Variants in KIF5C observed in about 807,000 individuals in gnomAD.
KIF5C encodes the protein kinesin family member 5C, also known as kinesin heavy chain isoform 5C.
A neutral mutation model predicts 125.2 loss-of-function variants in KIF5C; 18 were observed. The observed-to-expected ratio is 0.14, with a 90% CI of 0.10 to 0.21. The LOEUF (loss-of-function observed/expected upper bound fraction) is 0.21. Ranked by LOEUF, KIF5C falls within the 10% of genes least tolerant of loss-of-function variation. The pLI, the probability that KIF5C is intolerant of heterozygous loss-of-function variation, is 1.00. For synonymous variants in KIF5C, 405 were observed against 434.0 expected (o/e 0.93, Z 0.83); for missense variants, 780 against 1,183.8 (o/e 0.66, Z 5.01).
At chr2:148,889,757 T>C (rs1356960296) in intron 1 of KIF5C, among the ~76,000 whole-genome samples, 4 of 152,222 alleles carry the variant, frequency 2.6e-5, no homozygotes, top group Non-Finnish European at 5.9e-5. Context: ...TTATGGATAC[T>C]CAGGGATCCG....
chr2:148,997,757 TG>T (rs1354140860), intron 18 of KIF5C: 3 of 177,010 alleles, frequency 1.7e-5, no homozygotes, highest in Admixed American at 1.2e-4. Flanking sequence ...AAAGGAAAAT[TG>T]ATTGTGGAGT....
At chr2:148,893,537 G>A (rs1015541039) in intron 1 of KIF5C, among the ~76,000 whole-genome samples, 1 of 152,032 alleles carries the variant, frequency 6.6e-6, no homozygotes, top group Non-Finnish European at 1.5e-5. Context: ...CCTCTTCTTC[G>A]AGTGCCATTC....
At chr2:148,957,735 T>C (rs1682831483) in intron 10 of KIF5C, among the ~76,000 whole-genome samples, 1 of 152,090 alleles carries the variant, frequency 6.6e-6, no homozygotes. Flanking sequence ...TTTTCTTAAC[T>C]CAATTTTTAT....
chr2:148,969,800 AC>A (rs1180359714), intron 11 of KIF5C, among the ~76,000 whole-genome samples: 3 of 152,288 alleles, frequency 2.0e-5, no homozygotes, highest in Middle Eastern at 3.4e-3. Flanking sequence ...GAGACAGATA[AC>A]CTAGTGTCAG....
At position 149,025,667 on chromosome 2, in the gene KIF5C, A is replaced by G. The variant is rs985866702; in HGVS notation, c.*2597A>G. The G allele has an allele frequency of 2.0e-5, 3 of 152,198 alleles. No individual in the cohort carries two copies. Among genetic ancestry groups the G allele is most frequent in the Non-Finnish European group, 4.4e-5 (3 of 68,030 alleles). 9.4% of individuals were successfully genotyped at this position (152,198 alleles called of 1,614,324 possible). ...CTACTTCTTGAAAGTTTACTCTTTG[A>G]TGCTCTAAGAGAACAGCCAGATGGT... On this transcript the variant is annotated 3_prime_UTR_variant, in exon 26 of 26. Transcript: ENST00000435030.
chr2:148,969,478 C>G (rs1419485954), intron 11 of KIF5C, among the ~76,000 whole-genome samples: 1 of 132,934 alleles, frequency 7.5e-6, no homozygotes, highest in Non-Finnish European at 1.6e-5. Flanking sequence ...TGTGGGGAGG[C>G]CTTTCAGATG....
rs776019867 is a variant in KIF5C at position 148,991,055 on chromosome 2, C to T, written c.1762C>T (p.Arg588Cys). ...CATTGAGGAGGAGTTTACCATGGCCCGCCTGTACATCAGCAAGATGAAGTC... is the reference window on the plus strand; with the variant it reads ...CATTGAGGAGGAGTTTACCATGGCCTGCCTGTACATCAGCAAGATGAAGTC... ...GVIEEEFTMA[R>C]LYISKMKSEV... Residue 588 changes from arginine (R) to cysteine (C), a missense_variant, in exon 16 of 26, where the codon CGC becomes TGC. This residue lies in a region of KIF5C where 573 missense variants were observed against 742.6 expected (regional missense o/e 0.77). Transcript: ENST00000435030. 15 of 1,613,682 alleles carry T rather than the reference C, an allele frequency of 9.3e-6. No individual in the cohort carries two copies. The highest frequency in any genetic ancestry group is 1.3e-5 in the African/African-American group (1 of 75,010).
chr2:149,011,712 T>A, intron 25 of KIF5C, 29 bp downstream of exon 25: 1 of 1,613,572 alleles, frequency 6.2e-7, no homozygotes, highest in Non-Finnish European at 8.5e-7. Flanking sequence ...GTGGTTTCTC[T>A]ATCTGGAGGC....
intron 20 of KIF5C, 51 bp from the exon 21 acceptor site, chr2:149,000,671 T>C: frequency 3.7e-6 from 6 of 1,605,954 alleles, no homozygotes; most frequent in African/African-American, 1.3e-5. Context: ...TAGTATCTGC[T>C]GAAATCTCTG....
chr2:149,010,467 T>C (rs1312264941), intron 24 of KIF5C, 116 bp downstream of exon 24: 4 of 1,443,844 alleles, frequency 2.8e-6, no homozygotes, highest in Non-Finnish European at 3.6e-6. Flanking sequence ...AAAGGCTGGG[T>C]TGGAGCCCGC....
chr2:148,932,889 AAG>A (rs1682211448), intron 3 of KIF5C, among the ~76,000 whole-genome samples: 1 of 152,114 alleles, frequency 6.6e-6, no homozygotes. Flanking sequence ...GGCTGGAACA[AAG>A]AGAGTCTTGT....
At chr2:148,900,350 T>C (rs1015750550) in intron 1 of KIF5C, among the ~76,000 whole-genome samples, 1 of 152,186 alleles carries the variant, frequency 6.6e-6, no homozygotes, top group Non-Finnish European at 1.5e-5. Flanking sequence ...GATCTAGTCA[T>C]GTAGGGAATG....
intron 12 of KIF5C, 39 bp from the exon 13 acceptor site, chr2:148,978,883 A>G (rs1470238963): frequency 1.9e-6 from 3 of 1,561,302 alleles, no homozygotes; most frequent in East Asian, 2.3e-5. Context: ...CAAAAATGAC[A>G]TAACTAACCA....
At chr2:148,907,297 T>C (rs1237847455) in intron 1 of KIF5C, among the ~76,000 whole-genome samples, 1 of 152,176 alleles carries the variant, frequency 6.6e-6, no homozygotes, top group African/African-American at 2.4e-5. Flanking sequence ...AAGGACCGCC[T>C]CCTTGAGGAT....
rs578234821 is a variant in KIF5C, at chr2:149,024,943, G to A, written c.*1873G>A. On this transcript the variant is annotated 3_prime_UTR_variant, in exon 26 of 26. Transcript: ENST00000435030. ...GATATGTTTGCTTCTGATTTGGGAA[G>A]CTAAACATTGGTGTTTGAGAGGATT... 1.3e-5 allele frequency: 2 copies of A among 152,342 alleles called. No individual in the cohort carries two copies. Among genetic ancestry groups the A allele is most frequent in the African/African-American group, 4.8e-5 (2 of 41,526 alleles). The allele number at this position is 152,342 out of a possible 1,614,324, so 9.4% of individuals were successfully genotyped here.
chr2:148,895,118 C>T (rs1681804659), intron 1 of KIF5C, among the ~76,000 whole-genome samples: 1 of 152,050 alleles, frequency 6.6e-6, no homozygotes, highest in East Asian at 1.9e-4. Context: ...AGCTGTTATC[C>T]CCCTCACTCT....
intron 1 of KIF5C, among the ~76,000 whole-genome samples, chr2:148,911,959 C>T (rs1053494952): frequency 3.9e-5 from 6 of 152,228 alleles, no homozygotes; most frequent in South Asian, 4.2e-4. Flanking sequence ...CTTGGGAAAC[C>T]CTTCCCTTCC....
At chr2:148,933,769 G>C (rs1682227493) in intron 3 of KIF5C, among the ~76,000 whole-genome samples, 1 of 139,950 alleles carries the variant, frequency 7.1e-6, no homozygotes. Context: ...ATACATTCAC[G>C]ACACACCATA....
At chr2:148,877,547 C>T (rs1681226786) in intron 1 of KIF5C, among the ~76,000 whole-genome samples, 3 of 152,224 alleles carry the variant, frequency 2.0e-5, no homozygotes, top group African/African-American at 4.8e-5. Context: ...GCCTGATCTG[C>T]TACTTTCTGA....
Sources: gnomAD v4.1 joint callset for allele counts (sites outside exome capture counted in the v4.1 genomes callset) on GRCh38, gnomAD v4.1.1 for gene constraint, gnomAD v4.1.1 regional missense constraint, MANE v1.5 for transcripts, NCBI Gene and HGNC (gene_info 2026-07-23, HGNC 2026-07-21) for gene names.